The following METTL6 variants were observed in gnomAD, a reference collection of about 807,000 sequenced individuals.
The protein encoded by METTL6 is methyltransferase 6, tRNA N3-cytidine.
A neutral mutation model predicts 26.4 loss-of-function variants in METTL6; 22 were observed. That is an observed-to-expected ratio of 0.83 (90% confidence interval 0.59 to 1.19). The LOEUF (loss-of-function observed/expected upper bound fraction) is 1.19. Ranked by LOEUF, METTL6 falls within the 50% of genes most tolerant of loss-of-function variation. The pLI is 0.00. For missense variants in METTL6, 304 were observed against 324.8 expected (o/e 0.94, Z 0.49); for synonymous variants, 109 against 116.2 (o/e 0.94, Z 0.40).
chr3:15,417,953 C>A (rs923894660), intron 3 of METTL6, among the ~76,000 whole-genome samples: 9 of 152,262 alleles, frequency 5.9e-5, no homozygotes, highest in African/African-American at 2.2e-4. Context: ...GGAAACGGTA[C>A]AAAGGGAAGA....
chr3:15,417,786 G>A (rs1442202954), intron 3 of METTL6, among the ~76,000 whole-genome samples: 4 of 152,100 alleles, frequency 2.6e-5, no homozygotes, highest in Admixed American at 1.3e-4. Flanking sequence ...CTACCCTTGA[G>A]ACAAATGACT....
At chr3:15,422,535 G>GTTT (rs1341150041) in intron 3 of METTL6, among the ~76,000 whole-genome samples, 3 of 151,848 alleles carry the variant, frequency 2.0e-5, no homozygotes, top group Non-Finnish European at 4.4e-5. Context: ...AGAGGCAGGA[G>GTTT]GATCATTTCA....
intron 3 of METTL6, among the ~76,000 whole-genome samples, chr3:15,423,352 C>T (rs555911753): frequency 6.6e-6 from 1 of 152,156 alleles, no homozygotes; most frequent in Non-Finnish European, 1.5e-5. Flanking sequence ...GAGATTGCAC[C>T]ACTGCACTCC....
chr3:15,408,171 A>AGACTTCAGAATAGAGGATATCCTTGTGGG (rs1699851841), downstream of METTL6, among the ~76,000 whole-genome samples: 1 of 152,172 alleles, frequency 6.6e-6, no homozygotes, highest in Non-Finnish European at 1.5e-5. Flanking sequence ...CTCTGGTGTT[A>AGACTTCAGAATAGAGGATATCCTTGTGGG]GACTTCAGAA....
chr3:15,392,380 T>C (rs1454180188), intron 6 of METTL6, among the ~76,000 whole-genome samples: 1 of 152,202 alleles, frequency 6.6e-6, no homozygotes, highest in Non-Finnish European at 1.5e-5. Flanking sequence ...GAGTTCATTG[T>C]AGATTCTGGA....
intron 2 of METTL6, 42 bp from the exon 3 acceptor site, chr3:15,425,131 A>C: frequency 6.2e-7 from 1 of 1,603,914 alleles, no homozygotes; most frequent in South Asian, 1.1e-5. Flanking sequence ...TCACATTTGC[A>C]TAATGAAGAA....
chr3:15,406,930 GTTAATC>G (rs1279543677), downstream of METTL6, among the ~76,000 whole-genome samples: 3 of 150,992 alleles, frequency 2.0e-5, no homozygotes, highest in East Asian at 2.0e-4. Context: ...ACGACCAGCA[GTTAATC>G]TTAATGTATC....
At chr3:15,398,177 C>T (rs1299094551) in intron 6 of METTL6, among the ~76,000 whole-genome samples, 7 of 151,524 alleles carry the variant, frequency 4.6e-5, no homozygotes, top group African/African-American at 1.7e-4. Flanking sequence ...GTCAGTTGAA[C>T]TCTCCACTGC....
chr3:15,401,628 C>T (rs1393241589), intron 6 of METTL6, among the ~76,000 whole-genome samples: 1 of 151,684 alleles, frequency 6.6e-6, no homozygotes, highest in East Asian at 1.9e-4. Flanking sequence ...AAGAAGCCAG[C>T]CAAAACCCAC....
Position 15,426,027 on chromosome 3 carries a change from G to A in METTL6, c.225+260C>T, listed in dbSNP as rs561340541. Among the ~76,000 whole-genome samples the A allele has an allele frequency of 5.3e-5, 8 of 152,036 alleles. No homozygotes were observed. The South Asian group carries it at 1.0e-3, about 20-fold the overall frequency. On this transcript the variant is annotated intron_variant, in intron 2 of 5. Transcript: ENST00000383790. Reference sequence around the variant, plus strand: ...ACAATCTCGGCTCACTGCTATCTCCGCCTCCCGGGTTCAAGCGATTCTCCT... The same window carrying A: ...ACAATCTCGGCTCACTGCTATCTCCACCTCCCGGGTTCAAGCGATTCTCCT...
chr3:15,406,521 A>C (rs556719040), downstream of METTL6, among the ~76,000 whole-genome samples: 443 of 149,258 alleles, frequency 3.0e-3, 2 homozygotes, highest in Non-Finnish European at 5.7e-3. Context: ...ACATATCTTA[A>C]AGTTGGCAGC....
At chr3:15,403,854 A>G (rs1699712912) in intron 6 of METTL6, among the ~76,000 whole-genome samples, 2 of 152,124 alleles carry the variant, frequency 1.3e-5, no homozygotes, top group Admixed American at 1.3e-4. Context: ...TATGCTAAAC[A>G]AGGGGTGGAT....
In METTL6 at chr3:15,414,007, T is replaced by A; in HGVS notation, c.673+14A>T. The A allele has an allele frequency of 6.2e-7, 1 of 1,613,888 alleles. No individual in the cohort carries two copies. The highest frequency in any genetic ancestry group is 8.5e-7 in the Non-Finnish European group (1 of 1,179,928). On this transcript the variant is annotated intron_variant, in intron 5 of 5. Coordinates refer to ENST00000383790, the MANE Select transcript of METTL6 (RefSeq NM_152396.4). ...AGAATAAAACATTTAAAGACTGGAT[T>A]CCATTCATCTTACCATCAGTAAAAA...
Position 15,415,961 on chromosome 3 carries a change from C to T in METTL6, c.361-19G>A. ...GATTTTGCTACAGGGGGAAGAAATA[C>T]AAATGAATTTTAATGCAACCACTAG... On this transcript the variant is annotated intron_variant, in intron 3 of 5. Transcript: ENST00000383790. The T allele has an allele frequency of 1.3e-6, 2 of 1,590,294 alleles. No homozygotes were observed. Among genetic ancestry groups the T allele is most frequent in the Non-Finnish European group, 1.7e-6 (2 of 1,169,168 alleles).
chr3:15,421,647 G>A (rs1277033197), intron 3 of METTL6, among the ~76,000 whole-genome samples: 1 of 152,140 alleles, frequency 6.6e-6, no homozygotes. Context: ...CAGGTGCGGT[G>A]GCTTATGCCT....
At chr3:15,413,732 T>C (rs1700067708) in intron 5 of METTL6, 3 of 1,350,102 alleles carry the variant, frequency 2.2e-6, no homozygotes, top group South Asian at 1.3e-5. Flanking sequence ...CTCCCTCTTA[T>C]TCCAGCACAA....
At chr3:15,418,369 A>G (rs1460741225) in intron 3 of METTL6, among the ~76,000 whole-genome samples, 1 of 152,222 alleles carries the variant, frequency 6.6e-6, no homozygotes, top group Non-Finnish European at 1.5e-5. Flanking sequence ...TCTAAGAGAA[A>G]TGCTAAAAAC....
At chr3:15,394,262 C>T (rs1404034699) in intron 6 of METTL6, among the ~76,000 whole-genome samples, 14 of 152,106 alleles carry the variant, frequency 9.2e-5, no homozygotes, top group African/African-American at 3.1e-4. Context: ...CCATTTCTTC[C>T]AGATTTTCTA....
intron 6 of METTL6, among the ~76,000 whole-genome samples, chr3:15,392,871 C>T (rs1437332989): frequency 2.0e-5 from 3 of 152,132 alleles, no homozygotes; most frequent in African/African-American, 7.2e-5. Flanking sequence ...TGTTTTGGTA[C>T]CAGTACCATG....
Sources: allele counts gnomAD v4.1 joint callset (sites outside exome capture counted in the v4.1 genomes callset), GRCh38; gene constraint gnomAD v4.1.1; transcripts MANE v1.5; gene names NCBI Gene and HGNC (gene_info 2026-07-23, HGNC 2026-07-21).